ZNF442: variants seen among roughly 807,000 people sequenced by gnomAD.
ZNF442 encodes zinc finger protein 442.
In ZNF442, 45 loss-of-function variants were observed where a neutral mutation model predicts 57.0. The observed-to-expected ratio is 0.79, with a 90% CI of 0.62 to 1.01. ZNF442 has a LOEUF of 1.01. Ranked by LOEUF, ZNF442 falls within the 50% of genes least tolerant of loss-of-function variation. The pLI, the probability that ZNF442 is intolerant of heterozygous loss-of-function variation, is 0.00. For missense variants in ZNF442, 690 were observed against 756.5 expected (o/e 0.91, Z 1.03); for synonymous variants, 213 against 241.8 (o/e 0.88, Z 1.10).
In ZNF442 at chr19:12,359,518, T is replaced by C. The variant is rs528721992; in HGVS notation, c.78+4036A>G. Among the ~76,000 whole-genome samples, 3 of 152,352 alleles carry C rather than the reference T, an allele frequency of 2.0e-5. No individual in the cohort carries two copies. The South Asian group carries it at 6.2e-4, about 32-fold the overall frequency. On this transcript the variant is annotated intron_variant, in intron 3 of 5. Coordinates refer to ENST00000242804, the MANE Select transcript of ZNF442 (RefSeq NM_030824.3). ...ATTAGCTGAGCAGTTTTGTCTTCAC[T>C]GATCATACTGAACAAAATACATCTA...
Position 12,351,142 on chromosome 19 carries a change from T to A in ZNF442, c.443A>T (p.Tyr148Phe), listed in dbSNP as rs148884848. The A allele has an allele frequency of 2.5e-5, 41 of 1,614,184 alleles. No homozygotes were observed. In the African/African-American group the frequency reaches 4.1e-4, roughly 16 times the overall value. ...TTTATGTGTATGTGGCTTCTCTCCA[T>A]ATTCCTGACACTCATCTGGTTTGTG... Reference protein sequence around the residue: ...AGHKPDECQEYGEKPHTHKQC... With the variant: ...AGHKPDECQEFGEKPHTHKQC... Residue 148 changes from tyrosine (Y) to phenylalanine (F), a missense_variant, in exon 6 of 6, where the codon TAT becomes TTT. By Grantham distance (22) the Tyr-to-Phe change is conservative. Coordinates refer to ENST00000242804, the MANE Select transcript of ZNF442 (RefSeq NM_030824.3).
chr19:12,371,480 A>G, the ZNF442 span, among the ~76,000 whole-genome samples: 1 of 152,212 alleles, frequency 6.6e-6, no homozygotes, highest in Admixed American at 6.6e-5. Flanking sequence ...AGGTGGTGTC[A>G]GGGGTTTATG....
chr19:12,352,130 A>G, intron 4 of ZNF442, 60 bp from the exon 5 acceptor site: 4 of 1,496,420 alleles, frequency 2.7e-6, no homozygotes, highest in African/African-American at 1.4e-5. Context: ...AAACACTACA[A>G]GATTTTATGT....
the ZNF442 span, among the ~76,000 whole-genome samples, chr19:12,371,957 AAATTT>A: frequency 6.6e-6 from 1 of 152,238 alleles, no homozygotes; most frequent in African/African-American, 2.4e-5. Context: ...GGATCTAATT[AAATTT>A]AAGAGCTTCT....
chr19:12,356,686 A>G (rs1969335573), intron 3 of ZNF442, among the ~76,000 whole-genome samples: 1 of 152,172 alleles, frequency 6.6e-6, no homozygotes, highest in Non-Finnish European at 1.5e-5. Flanking sequence ...TAAATTAAAC[A>G]TGAAAAAAGA....
At chr19:12,354,033 T>C (rs190043719) in intron 3 of ZNF442, among the ~76,000 whole-genome samples, 6 of 152,250 alleles carry the variant, frequency 3.9e-5, no homozygotes, top group African/African-American at 1.4e-4. Flanking sequence ...AACCACAAAA[T>C]ATATACACTG....
Position 12,350,091 on chromosome 19 carries a change from A to C in ZNF442, c.1494T>G (p.Ser498Arg). The C allele has an allele frequency of 1.9e-6, 3 of 1,613,972 alleles. No individual in the cohort carries two copies. The highest frequency in any genetic ancestry group is 2.5e-6 in the Non-Finnish European group (3 of 1,179,934). ...TATGTTGAGAAAGGTATGTGAAACA[A>C]CTGAATGCTTTCCCACATTCCTTAC... ...YECKECGKAF[S>R]CFTYLSQHRR... The change falls in exon 6 of 6, where the codon AGT (serine) becomes AGG (arginine). Residue 498 changes from serine (S) to arginine (R), a missense_variant. Transcript: ENST00000242804.
chr19:12,359,323 G>A (rs1969384947), intron 3 of ZNF442, among the ~76,000 whole-genome samples: 1 of 152,118 alleles, frequency 6.6e-6, no homozygotes, highest in South Asian at 2.1e-4. Flanking sequence ...TAAGATGACA[G>A]AAAATCACCT....
intron 2 of ZNF442, among the ~76,000 whole-genome samples, chr19:12,364,111 T>C (rs1239970257): frequency 6.6e-6 from 1 of 152,094 alleles, no homozygotes; most frequent in Non-Finnish European, 1.5e-5. Flanking sequence ...GGAACACAAA[T>C]CTTTTAAGAA....
upstream of ZNF442, among the ~76,000 whole-genome samples, chr19:12,367,229 C>T (rs1478432030): frequency 6.6e-6 from 1 of 152,116 alleles, no homozygotes; most frequent in Non-Finnish European, 1.5e-5. Flanking sequence ...AGCTGGGCCT[C>T]CAGGGGTGAC....
Position 12,351,253 on chromosome 19 carries a change from G to C in ZNF442, c.332C>G (p.Pro111Arg). ...ACTGCTTTTACATGGATCTACTCCA[G>C]GAGGTTTTTCATTCACAGTACTATC... is the stretch of plus-strand genomic sequence containing the variant. ...QPDSTVNEKP[P>R]GVDPCKSSVC... Residue 111 changes from proline to arginine, a missense_variant, in exon 6 of 6, where the codon CCT becomes CGT. Transcript: ENST00000242804. 1 of 1,613,874 alleles carries C rather than the reference G, an allele frequency of 6.2e-7. No homozygotes were observed. The highest frequency in any genetic ancestry group is 8.5e-7 in the Non-Finnish European group (1 of 1,180,010).
chr19:12,352,176 T>C, intron 4 of ZNF442, 106 bp from the exon 5 acceptor site: 1 of 1,065,366 alleles, frequency 9.4e-7, no homozygotes, highest in East Asian at 2.5e-5. Context: ...CACTGAATTG[T>C]AGCTGACTCT....
At chr19:12,373,631 G>A in the ZNF442 span, 1 of 277,336 alleles carries the variant, frequency 3.6e-6, no homozygotes, top group Non-Finnish European at 7.5e-6. Flanking sequence ...TGTCGCATCT[G>A]TTCAAACCAG....
chr19:12,354,037 T>C (rs1308177558), intron 3 of ZNF442, among the ~76,000 whole-genome samples: 6 of 152,240 alleles, frequency 3.9e-5, no homozygotes, highest in Non-Finnish European at 8.8e-5. Flanking sequence ...ACAAAATATA[T>C]ACACTGTTTC....
At chr19:12,362,534 C>G (rs1038502696) in intron 3 of ZNF442, among the ~76,000 whole-genome samples, 1 of 151,628 alleles carries the variant, frequency 6.6e-6, no homozygotes, top group Non-Finnish European at 1.5e-5. Context: ...CAGCCGCCCC[C>G]TCCAGGAGGT....
chr19:12,363,662 G>T lies in ZNF442; in HGVS notation c.-31C>A. On this transcript the variant is annotated 5_prime_UTR_variant, in exon 3 of 6. Coordinates refer to ENST00000242804, the MANE Select transcript of ZNF442 (RefSeq NM_030824.3). ...TGGCTGACCAGCCGTGTGTCCCCAAGGAATGGAAACTGGGGTTGGGGAAGA... is the reference window on the plus strand; with the variant it reads ...TGGCTGACCAGCCGTGTGTCCCCAATGAATGGAAACTGGGGTTGGGGAAGA... 6.2e-7 allele frequency: 1 copy of T among 1,602,162 alleles called. No homozygotes were observed. The highest frequency in any genetic ancestry group is 8.6e-7 in the Non-Finnish European group (1 of 1,169,224).
chr19:12,358,714 GT>G (rs1173719089), intron 3 of ZNF442, among the ~76,000 whole-genome samples: 1 of 152,194 alleles, frequency 6.6e-6, no homozygotes, highest in Non-Finnish European at 1.5e-5. Context: ...CTTCTGACCT[GT>G]AGTGTCTTAC....
intron 3 of ZNF442, among the ~76,000 whole-genome samples, chr19:12,359,230 T>C (rs1311211218): frequency 6.6e-6 from 1 of 152,216 alleles, no homozygotes; most frequent in Non-Finnish European, 1.5e-5. Flanking sequence ...TAATTTGTAC[T>C]GATTATACCA....
At chr19:12,368,261 G>A (rs573481989), upstream of ZNF442, among the ~76,000 whole-genome samples, 8 of 152,242 alleles carry the variant, frequency 5.3e-5, no homozygotes, top group African/African-American at 7.2e-5. Context: ...CTTAGCTTAC[G>A]AAGATAACAG....
Sources: allele counts gnomAD v4.1 joint callset (sites outside exome capture counted in the v4.1 genomes callset), GRCh38; gene constraint gnomAD v4.1.1; transcripts MANE v1.5; gene names NCBI Gene and HGNC (gene_info 2026-07-23, HGNC 2026-07-21).